The following PASD1 variants were observed in gnomAD, a reference collection of about 807,000 sequenced individuals.
PASD1 encodes PAS domain containing repressor 1, also known as circadian clock protein PASD1.
In PASD1, 13 loss-of-function variants were observed where a neutral mutation model predicts 58.8. The observed-to-expected ratio is 0.22, with a 90% CI of 0.14 to 0.35. The LOEUF (loss-of-function observed/expected upper bound fraction) is 0.35. Among genes scored for constraint, PASD1 ranks in the 10% least tolerant of loss-of-function variants. PASD1 has a pLI of 1.00. For synonymous variants in PASD1, 236 were observed against 216.7 expected (o/e 1.09, Z -0.78); for missense variants, 734 against 568.3 (o/e 1.29, Z -2.96).
Position 151,672,389 on chromosome X carries a change from G to T in PASD1, c.1644G>T (p.Lys548Asn). The change falls in exon 14 of 16, where the codon AAG (lysine) becomes AAT (asparagine). Residue 548 changes from lysine to asparagine, a missense_variant. Lys to Asn is a moderately conservative substitution (Grantham distance 94). Transcript: ENST00000370357. ...AGAAGAAGCTACAGGAGCGGAAGAA[G>T]TGGCAGGGGCAGATGCTACAGAAAG... ...QKKKKLQERKKWQGQMLQKEP... is the reference protein window; with the variant it reads ...QKKKKLQERKNWQGQMLQKEP... 2.5e-6 allele frequency: 3 copies of T among 1,207,699 alleles called. No homozygotes were observed. The highest frequency in any genetic ancestry group is 3.4e-6 in the Non-Finnish European group (3 of 893,350).
In PASD1 at chrX:151,653,190, A is replaced by G. The variant is rs779017748; in HGVS notation, c.717+4488A>G. On this transcript the variant is annotated intron_variant, in intron 9 of 15. Coordinates refer to ENST00000370357, the MANE Select transcript of PASD1 (RefSeq NM_173493.3). ...TATATGTGTGTGTGTGTATATATAT[A>G]TATATATTTTTTTTTTTTTGAGATA... 1.8e-4 allele frequency among the ~76,000 whole-genome samples: 16 copies of G among 87,332 alleles called. No individual in the cohort carries two copies. The South Asian group carries it at 6.2e-3, about 34-fold the overall frequency. 75.8% of individuals were successfully genotyped at this position (87,332 alleles called of 115,157 possible).
chrX:151,577,931 G>C (rs992749137), intron 1 of PASD1, among the ~76,000 whole-genome samples: 1 of 111,957 alleles, frequency 8.9e-6, no homozygotes, highest in African/African-American at 3.3e-5. Flanking sequence ...CAGTTAAAAA[G>C]GATCTCTGCT....
chrX:151,580,570 G>C (rs1422379923), intron 1 of PASD1, among the ~76,000 whole-genome samples: 1 of 87,989 alleles, frequency 1.1e-5, no homozygotes, highest in Non-Finnish European at 2.2e-5. Flanking sequence ...GATTACACTT[G>C]TCAGAATTCA....
intron 1 of PASD1, among the ~76,000 whole-genome samples, chrX:151,565,718 C>T (rs1192621308): frequency 3.6e-5 from 4 of 110,079 alleles, no homozygotes; most frequent in Non-Finnish European, 7.6e-5. Flanking sequence ...CTACCATGCC[C>T]GGCTAATTTT....
At chrX:151,570,973 A>G (rs905641748) in intron 1 of PASD1, among the ~76,000 whole-genome samples, 3 of 111,857 alleles carry the variant, frequency 2.7e-5, no homozygotes, top group Non-Finnish European at 5.6e-5. Context: ...CAGGGGCTGT[A>G]TTAAGCTGAC....
rs1556119151 is a variant in PASD1 at position 151,567,089 on chromosome X, T to TA, written c.-28+3253dup. ...ATAAATAAATAAATAAATAAATAAA[T>TA]AAATAAAATAAAATAAAGTTTCAGA... is the stretch of plus-strand genomic sequence containing the variant. On this transcript the variant is annotated intron_variant, in intron 1 of 15. Transcript: ENST00000370357. Among the ~76,000 whole-genome samples, 37 of 100,230 alleles carry TA rather than the reference T, an allele frequency of 3.7e-4. No homozygotes were observed. In the South Asian group the frequency reaches 6.3e-3, roughly 17 times the overall value. 87.0% of individuals were successfully genotyped at this position (100,230 alleles called of 115,157 possible).
chrX:151,672,234 CGGGAG>C lies in PASD1; in HGVS notation c.1490_1494del (p.Arg497ProfsTer77), dbSNP rs1569417577. On this transcript the variant is annotated frameshift_variant, in exon 14 of 16. Transcript: ENST00000370357. LOFTEE classifies it high-confidence loss of function. The stretch of plus-strand genomic sequence containing the variant: ...CCTGAAGGAGCAGCAGCGGCAGCTG[CGGGAG>C]CAGCTGCAACAGCTGAGAGAGCAAA... The C allele has an allele frequency of 1.8e-6, 2 of 1,138,099 alleles. No individual in the cohort carries two copies. The highest frequency in any genetic ancestry group is 2.3e-6 in the Non-Finnish European group (2 of 851,201). The allele number at this position is 1,138,099 out of a possible 1,213,427, so 93.8% of individuals were successfully genotyped here. A position where few individuals can be genotyped will look rare whatever the true frequency, so the allele number is the denominator to read the frequency against.
intron 8 of PASD1, among the ~76,000 whole-genome samples, chrX:151,629,736 C>T (rs144374228): frequency 0.014 from 1,536 of 112,226 alleles, 24 homozygotes; most frequent in African/African-American, 0.047. Flanking sequence ...CACTGACATG[C>T]TCTTGTCTAG....
At chrX:151,611,836 A>G in intron 4 of PASD1, 83 bp downstream of exon 4, 1 of 721,416 alleles carries the variant, frequency 1.4e-6, no homozygotes, top group Non-Finnish European at 2.0e-6. Context: ...TTTTTATTAT[A>G]CTTTAAGTTT....
At chrX:151,669,532 T>C (rs2014436578) in intron 11 of PASD1, among the ~76,000 whole-genome samples, 1 of 110,071 alleles carries the variant, frequency 9.1e-6, no homozygotes, top group African/African-American at 3.4e-5. Flanking sequence ...AATCAACTTC[T>C]CTTCATCCCC....
At chrX:151,656,100 A>G (rs1259420438) in intron 9 of PASD1, among the ~76,000 whole-genome samples, 2 of 112,117 alleles carry the variant, frequency 1.8e-5, no homozygotes, top group African/African-American at 6.5e-5. Flanking sequence ...AGCACCATTT[A>G]TTAAATAGGG....
At chrX:151,664,035 TA>T in intron 10 of PASD1, 83 bp from the exon 11 acceptor site, 1 of 1,157,819 alleles carries the variant, frequency 8.6e-7, no homozygotes, top group Non-Finnish European at 1.2e-6. Context: ...TAACATGGGC[TA>T]AAATGACCCT....
chrX:151,670,335 C>T (rs1456288646), intron 11 of PASD1, among the ~76,000 whole-genome samples: 1 of 111,909 alleles, frequency 8.9e-6, no homozygotes, highest in African/African-American at 3.2e-5. Context: ...ATCCAAGTTC[C>T]TCGGCTGCCT....
Position 151,676,027 on chromosome X carries a change from C to A in PASD1, c.2206C>A (p.Pro736Thr). Residue 736 changes from proline to threonine, a missense_variant, in exon 16 of 16, where the codon CCT becomes ACT. Physicochemically the swap from Pro to Thr is conservative, Grantham distance 38. Coordinates refer to ENST00000370357, the MANE Select transcript of PASD1 (RefSeq NM_173493.3). ...AGTTTCTGAGGTAGGAGTCGAGGGA[C>A]CTCCTGATCCACAGGCTTTCCAAGG... ...VQVSEVGVEG[P>T]PDPQAFQGPA... 8.3e-7 allele frequency: 1 copy of A among 1,211,298 alleles called. No individual in the cohort carries two copies. Among genetic ancestry groups the A allele is most frequent in the Non-Finnish European group, 1.1e-6 (1 of 894,959 alleles).
intron 3 of PASD1, among the ~76,000 whole-genome samples, chrX:151,608,696 A>G (rs1003406390): frequency 2.7e-5 from 3 of 111,228 alleles, no homozygotes; most frequent in Non-Finnish European, 5.7e-5. Flanking sequence ...TGTGTATGCC[A>G]TGAAGGAGAA....
chrX:151,645,550 G>A (rs929766948), intron 8 of PASD1: 21 of 112,045 alleles, frequency 1.9e-4, no homozygotes, highest in Admixed American at 3.8e-4. Context: ...GAAACATGAA[G>A]GGCTCGATTT....
intron 10 of PASD1, among the ~76,000 whole-genome samples, chrX:151,662,938 G>A (rs766100543): frequency 2.7e-5 from 3 of 111,527 alleles, no homozygotes; most frequent in Non-Finnish European, 5.7e-5. Context: ...AAGTTCCTGC[G>A]TTAGCTTCTT....
At chrX:151,640,239 G>T (rs930371148) in intron 8 of PASD1, among the ~76,000 whole-genome samples, 4 of 111,674 alleles carry the variant, frequency 3.6e-5, no homozygotes, top group Non-Finnish European at 7.5e-5. Flanking sequence ...AAAGAAGTTG[G>T]TCCTGCCCTG....
intron 8 of PASD1, among the ~76,000 whole-genome samples, chrX:151,635,714 AG>A (rs1468596438): frequency 2.7e-5 from 3 of 112,246 alleles, no homozygotes; most frequent in Non-Finnish European, 5.6e-5. Context: ...ATTTACATGT[AG>A]TAAAATACAC....
Sources: allele counts gnomAD v4.1 joint callset (sites outside exome capture counted in the v4.1 genomes callset), GRCh38; gene constraint gnomAD v4.1.1; transcripts MANE v1.5; gene names NCBI Gene and HGNC (gene_info 2026-07-23, HGNC 2026-07-21).